The following CEP152 variants were observed in gnomAD, a reference collection of about 807,000 sequenced individuals.
CEP152 encodes centrosomal protein of 152 kDa.
Under a neutral mutation model 188.9 loss-of-function variants are expected in CEP152, and 132 were observed. The observed-to-expected ratio is 0.70, with a 90% CI of 0.61 to 0.81. The LOEUF is 0.81. Among genes scored for constraint, CEP152 ranks in the 30% least tolerant of loss-of-function variants. The probability of loss-of-function intolerance (pLI) is 0.00; values close to 1 mark genes in which losing one functional copy is unlikely to be tolerated. For missense variants in CEP152, 1,914 were observed against 1,969.8 expected (o/e 0.97, Z 0.54); for synonymous variants, 649 against 666.6 (o/e 0.97, Z 0.41).
At chr15:48,787,156 A>C (rs115799484) in intron 9 of CEP152, among the ~76,000 whole-genome samples, 1,201 of 77,708 alleles carry the variant, frequency 0.015, 12 homozygotes, top group African/African-American at 0.044. Flanking sequence ...AATTTGGTAT[A>C]GCCTTCGTTT....
intron 1 of CEP152, among the ~76,000 whole-genome samples, chr15:48,807,197 A>G (rs1425130683): frequency 3.9e-5 from 6 of 152,226 alleles, no homozygotes; most frequent in African/African-American, 1.4e-4. Flanking sequence ...ACGGGGGAAG[A>G]GACATGCATA....
intron 12 of CEP152, 106 bp from the exon 13 acceptor site, chr15:48,772,797 C>A: frequency 1.1e-6 from 1 of 869,912 alleles, no homozygotes; most frequent in Non-Finnish European, 1.9e-6. Flanking sequence ...GTCACCTATA[C>A]AATTATATAC....
intron 21 of CEP152, among the ~76,000 whole-genome samples, chr15:48,751,605 C>G (rs1354675867): frequency 2.6e-5 from 4 of 152,118 alleles, no homozygotes; most frequent in Admixed American, 2.6e-4. Flanking sequence ...TAGTTCTTTT[C>G]CAGGTTACAT....
intron 17 of CEP152, among the ~76,000 whole-genome samples, chr15:48,763,817 AAT>A (rs1466307199): frequency 1.3e-5 from 2 of 152,350 alleles, no homozygotes; most frequent in Non-Finnish European, 2.9e-5. Flanking sequence ...CTATTTAAGT[AAT>A]AGAGGTAACA....
chr15:48,750,947 T>C (rs1408596497), intron 21 of CEP152, among the ~76,000 whole-genome samples: 5 of 152,164 alleles, frequency 3.3e-5, no homozygotes, highest in Non-Finnish European at 5.9e-5. Context: ...AGCTGAATAA[T>C]GGGTTCCTGG....
At chr15:48,762,258 G>C in intron 18 of CEP152, 133 bp downstream of exon 18, 2 of 872,918 alleles carry the variant, frequency 2.3e-6, no homozygotes, top group South Asian at 1.6e-5. Flanking sequence ...GAACATGACA[G>C]GTTTTCTATC....
In CEP152 at chr15:48,797,665, A is replaced by C; in HGVS notation, c.257T>G (p.Val86Gly). 1 of 1,614,128 alleles carries C rather than the reference A, an allele frequency of 6.2e-7. No individual in the cohort carries two copies. Among genetic ancestry groups the C allele is most frequent in the Non-Finnish European group, 8.5e-7 (1 of 1,180,008 alleles). Residue 86 changes from valine to glycine, a missense_variant, in exon 4 of 27, where the codon GTA becomes GGA. Transcript: ENST00000380950. ...ATCATCACACCAGATACTTACATTT[A>C]CACTTTGAGATTTGGGCAGCATTTG... ...NEQMLPKSQS[V>G]NGYNEIQSLY... is the part of the protein sequence containing the mutation.
At chr15:48,760,825 C>G (rs1894631784) in intron 18 of CEP152, among the ~76,000 whole-genome samples, 1 of 152,074 alleles carries the variant, frequency 6.6e-6, no homozygotes, top group South Asian at 2.1e-4. Flanking sequence ...AAATCTGCCA[C>G]TAGTTACCAG....
intron 9 of CEP152, among the ~76,000 whole-genome samples, chr15:48,786,595 C>T (rs997186825): frequency 6.6e-6 from 1 of 152,070 alleles, no homozygotes; most frequent in Admixed American, 6.5e-5. Context: ...GAGGTCTGGG[C>T]TTCTGTTAGG....
At chr15:48,741,469 T>C (rs940694600) in intron 26 of CEP152, 132 bp downstream of exon 26, 2 of 1,556,024 alleles carry the variant, frequency 1.3e-6, no homozygotes, top group Middle Eastern at 2.3e-4. Context: ...AAACTTCTAG[T>C]TTAAGTAAAA....
At chr15:48,737,813 C>T (rs1595579212), downstream of CEP152, 5 of 163,494 alleles carry the variant, frequency 3.1e-5, no homozygotes, top group Middle Eastern at 3.1e-3. Context: ...TGACTAATTT[C>T]AAAAACTAAA....
chr15:48,795,419 T>C lies in CEP152; in HGVS notation c.691+591A>G, dbSNP rs1257580233. 4.6e-5 allele frequency among the ~76,000 whole-genome samples: 7 copies of C among 152,314 alleles called. No homozygotes were observed. In the East Asian group the frequency reaches 1.3e-3, roughly 29 times the overall value. On this transcript the variant is annotated intron_variant, in intron 6 of 26. Transcript: ENST00000380950. ...GTGCTGATGTATTAAATTACACTTCTATATAGTCAAAAATCTGAGATTGAA... is the reference window on the plus strand; with the variant it reads ...GTGCTGATGTATTAAATTACACTTCCATATAGTCAAAAATCTGAGATTGAA...
downstream of CEP152, among the ~76,000 whole-genome samples, chr15:48,735,115 A>G (rs28848549): frequency 0.016 from 2,362 of 152,360 alleles, 30 homozygotes; most frequent in Non-Finnish European, 0.024. Flanking sequence ...ATGCCAGGCC[A>G]TAAAACAAGT....
intron 9 of CEP152, among the ~76,000 whole-genome samples, chr15:48,786,237 G>A (rs1036133617): frequency 1.2e-4 from 19 of 152,118 alleles, no homozygotes; most frequent in African/African-American, 4.6e-4. Flanking sequence ...TCCATGAATG[G>A]GAGGAGGTAA....
At chr15:48,760,586 G>T (rs1292311082) in intron 18 of CEP152, among the ~76,000 whole-genome samples, 1 of 152,086 alleles carries the variant, frequency 6.6e-6, no homozygotes, top group African/African-American at 2.4e-5. Flanking sequence ...GAAAGAGAAG[G>T]CCTCCTGGAG....
chr15:48,769,476 G>C (rs1895375565), intron 13 of CEP152, among the ~76,000 whole-genome samples: 1 of 152,072 alleles, frequency 6.6e-6, no homozygotes, highest in Non-Finnish European at 1.5e-5. Context: ...CCTCAATTTG[G>C]AGTTTTTAGG....
At position 48,739,373 on chromosome 15, in the gene CEP152, T is replaced by A. The variant is rs537517330; in HGVS notation, c.4094-85A>T. On this transcript the variant is annotated intron_variant, in intron 26 of 26. Transcript: ENST00000380950. Reference sequence around the variant, plus strand: ...TCCTTGAACAAAAAAATAAAAAAAATTAAAAATAAGAAAAAATTTATGTTT... The same window carrying A: ...TCCTTGAACAAAAAAATAAAAAAAAATAAAAATAAGAAAAAATTTATGTTT... 5.5e-6 allele frequency: 8 copies of A among 1,454,376 alleles called. No individual in the cohort carries two copies. In the South Asian group the frequency reaches 7.5e-5, roughly 14 times the overall value. The allele number at this position is 1,454,376 out of a possible 1,614,324, so 90.1% of individuals were successfully genotyped here. A position where few individuals can be genotyped will look rare whatever the true frequency, so the allele number is the denominator to read the frequency against.
Position 48,752,342 on chromosome 15 carries a change from C to T in CEP152, c.3466+7G>A. 6.2e-7 allele frequency: 1 copy of T among 1,613,996 alleles called. No homozygotes were observed. The highest frequency in any genetic ancestry group is 8.5e-7 in the Non-Finnish European group (1 of 1,179,988). On this transcript the variant is annotated splice_region_variant and intron_variant, in intron 21 of 26. Transcript: ENST00000380950. The stretch of plus-strand genomic sequence containing the variant: ...TACAAAGACTGGTGGGAACAAAATC[C>T]AATTACCAGCTTCTGCTTCTGTTGC...
chr15:48,809,553 G>A (rs1456803996), intron 1 of CEP152, among the ~76,000 whole-genome samples: 4 of 152,208 alleles, frequency 2.6e-5, no homozygotes, highest in African/African-American at 4.8e-5. Flanking sequence ...ATGGCTATAA[G>A]TGGTTCTAAG....
Sources: allele counts gnomAD v4.1 joint callset (sites outside exome capture counted in the v4.1 genomes callset), GRCh38; gene constraint gnomAD v4.1.1; transcripts MANE v1.5; gene names NCBI Gene and HGNC (gene_info 2026-07-23, HGNC 2026-07-21).